NUDT13: variants seen among roughly 807,000 people sequenced by gnomAD.
NUDT13 encodes nudix hydrolase 13.
A neutral mutation model predicts 41.7 loss-of-function variants in NUDT13; 40 were observed. The observed-to-expected ratio is 0.96, with a 90% CI of 0.75 to 1.25. The LOEUF is 1.25. Among genes scored for constraint, NUDT13 ranks in the 50% most tolerant of loss-of-function variants. NUDT13 has a pLI of 0.00. For missense variants in NUDT13, 390 were observed against 416.1 expected (o/e 0.94, Z 0.55); for synonymous variants, 145 against 155.5 (o/e 0.93, Z 0.50).
At chr10:73,125,296 T>A in intron 6 of NUDT13, 53 bp downstream of exon 6, 1 of 1,604,334 alleles carries the variant, frequency 6.2e-7, no homozygotes, top group South Asian at 1.1e-5. Flanking sequence ...CGCTGCTTTG[T>A]CCTGGGGAAG....
chr10:73,110,792 G>C (rs1360045571), intron 1 of NUDT13, among the ~76,000 whole-genome samples: 1 of 152,022 alleles, frequency 6.6e-6, no homozygotes, highest in Non-Finnish European at 1.5e-5. Context: ...TTTTTGGAGA[G>C]TCATTTAAAA....
intron 2 of NUDT13, among the ~76,000 whole-genome samples, chr10:73,117,730 G>GT (rs1842551393): frequency 6.6e-6 from 1 of 152,146 alleles, no homozygotes; most frequent in Non-Finnish European, 1.5e-5. Context: ...AGTGTAAACA[G>GT]TGATTATCCC....
chr10:73,125,355 G>A (rs1286923652), intron 6 of NUDT13, 43 bp from the exon 7 acceptor site: 2 of 1,609,760 alleles, frequency 1.2e-6, no homozygotes, highest in Non-Finnish European at 1.7e-6. Context: ...TCATTGGCAG[G>A]GCCCAAAGTG....
At chr10:73,126,387 T>C (rs1489404126) in intron 7 of NUDT13, among the ~76,000 whole-genome samples, 1 of 152,164 alleles carries the variant, frequency 6.6e-6, no homozygotes, top group Non-Finnish European at 1.5e-5. Flanking sequence ...CTCTAGTCTA[T>C]TGGGGTCAAA....
chr10:73,123,331 C>T (rs1428765345), intron 4 of NUDT13, among the ~76,000 whole-genome samples: 2 of 152,116 alleles, frequency 1.3e-5, no homozygotes, highest in African/African-American at 4.8e-5. Flanking sequence ...CCATTGGGAA[C>T]CACTTTGCTA....
intron 1 of NUDT13, among the ~76,000 whole-genome samples, chr10:73,113,141 C>T (rs1035423722): frequency 2.0e-5 from 3 of 152,190 alleles, no homozygotes; most frequent in African/African-American, 7.2e-5. Flanking sequence ...CCCGCCTCGG[C>T]CTCCCAAAGT....
At chr10:73,121,928 T>C (rs777227133) in intron 3 of NUDT13, among the ~76,000 whole-genome samples, 30 of 152,206 alleles carry the variant, frequency 2.0e-4, no homozygotes, top group Non-Finnish European at 3.4e-4. Flanking sequence ...GATACAGTCA[T>C]AGAGTAATAC....
At chr10:73,119,512 C>A in intron 2 of NUDT13, 1 of 981,586 alleles carries the variant, frequency 1.0e-6, no homozygotes. Context: ...AAAGTCTGTT[C>A]CCATCTCTAG....
chr10:73,121,406 C>G (rs1842643081), intron 3 of NUDT13, among the ~76,000 whole-genome samples: 1 of 152,154 alleles, frequency 6.6e-6, no homozygotes, highest in Non-Finnish European at 1.5e-5. Context: ...TCAGAAGGCA[C>G]TAAACATTAT....
Position 73,131,553 on chromosome 10 carries a change from C to T in NUDT13, c.*650C>T, listed in dbSNP as rs747969954. On this transcript the variant is annotated 3_prime_UTR_variant, in exon 9 of 9. Transcript: ENST00000357321. ...GGGACTCCAGACAGTAAATCTTTTT[C>T]GCTGTTTTCAGCTCTGTCACATGCT... The T allele has an allele frequency of 6.6e-6, 1 of 152,514 alleles. No individual in the cohort carries two copies. The highest frequency in any genetic ancestry group is 2.4e-5 in the African/African-American group (1 of 41,436). 9.4% of individuals were successfully genotyped at this position (152,514 alleles called of 1,614,324 possible).
In NUDT13 at chr10:73,122,176, G is replaced by A. The variant is rs751391827; in HGVS notation, c.225G>A (p.Glu75=). The A allele has an allele frequency of 1.2e-6, 2 of 1,612,102 alleles. No homozygotes were observed. The highest frequency in any genetic ancestry group is 1.7e-6 in the Non-Finnish European group (2 of 1,179,424). The stretch of plus-strand genomic sequence containing the variant: ...TCCCTTCCCCTTTCTGTTTCTTAGA[G>A]TTGGAAAGGCTCCTGGGTAAATTTG... ...QYLAPRHSLL[E]LERLLGKFGQ... The change falls in exon 4 of 9, where the codon GAG becomes GAA. Residue 75 remains glutamate (E), a splice_region_variant and synonymous_variant. Coordinates refer to ENST00000357321, the MANE Select transcript of NUDT13 (RefSeq NM_015901.6).
At position 73,114,356 on chromosome 10, in the gene NUDT13, GGACCT is replaced by G. The variant is rs749839227; in HGVS notation, c.-6_-2del. On this transcript the variant is annotated splice_region_variant and 5_prime_UTR_variant, in exon 2 of 9. Transcript: ENST00000357321. ...TAAAACTCCTTTTTTTTTTTTTTAA[GGACCT>G]GACAATGTCCCTGTATTGTGGAATA... 8.4e-6 allele frequency: 12 copies of G among 1,434,070 alleles called. No homozygotes were observed. The African/African-American group carries it at 1.6e-4, about 19-fold the overall frequency. The allele number at this position is 1,434,070 out of a possible 1,614,324, so 88.8% of individuals were successfully genotyped here. A position where few individuals can be genotyped will look rare whatever the true frequency, so the allele number is the denominator to read the frequency against.
chr10:73,122,299 T>A lies in NUDT13; in HGVS notation c.348T>A (p.Phe116Leu), dbSNP rs770615135. The A allele has an allele frequency of 6.2e-7, 1 of 1,613,374 alleles. No individual in the cohort carries two copies. The highest frequency in any genetic ancestry group is 1.7e-5 in the Admixed American group (1 of 59,824). The change falls in exon 4 of 9, where the codon TTT becomes TTA. Residue 116 changes from phenylalanine to leucine, a missense_variant. By Grantham distance (22) the Phe-to-Leu change is conservative (BLOSUM62 0). Transcript: ENST00000357321. The stretch of plus-strand genomic sequence containing the variant: ...TGGATCTAGGTCTGGATAGCTCCTT[T>A]TCCATAAGTGGTACATGACATTATT... ...FALDLGLDSSFSISASLHKPE... is the reference protein window; with the variant it reads ...FALDLGLDSSLSISASLHKPE...
In NUDT13 at chr10:73,122,974, C is replaced by T. The variant is rs192755641; in HGVS notation, c.358+665C>T. Among the ~76,000 whole-genome samples the T allele has an allele frequency of 9.4e-3, 1,422 of 150,826 alleles. 23 individuals are homozygous for T. Among genetic ancestry groups the T allele is most frequent in the African/African-American group, 0.032 (1,322 of 41,002 alleles). ...GGAGTGCAATGGCGCGATCTCGGCT[C>T]GCCACAACCTTCGCCTCCCAGGTTC... On this transcript the variant is annotated intron_variant, in intron 4 of 8. Coordinates refer to ENST00000357321, the MANE Select transcript of NUDT13 (RefSeq NM_015901.6).
Position 73,122,240 on chromosome 10 carries a change from G to C in NUDT13, c.289G>C (p.Gly97Arg). The C allele has an allele frequency of 6.2e-7, 1 of 1,613,882 alleles. No homozygotes were observed. The change falls in exon 4 of 9, where the codon GGA (glycine) becomes CGA (arginine). Residue 97 changes from glycine to arginine, a missense_variant. By Grantham distance (125) the Gly-to-Arg change is moderately radical (BLOSUM62 -2). Coordinates refer to ENST00000357321, the MANE Select transcript of NUDT13 (RefSeq NM_015901.6). ...AAGAATAGAAGATTCTGTGCTGATT[G>C]GATGCTCTGAGCAGCAGGAAGCATG... ...AQRIEDSVLI[G>R]CSEQQEAWFA... is the part of the protein sequence containing the mutation.
intron 2 of NUDT13, among the ~76,000 whole-genome samples, chr10:73,119,192 C>T (rs560091491): frequency 6.6e-6 from 1 of 151,802 alleles, no homozygotes; most frequent in African/African-American, 2.4e-5. Flanking sequence ...ACTACAGGTG[C>T]GTGCCACCAT....
chr10:73,129,732 C>T (rs1433669019), intron 8 of NUDT13, among the ~76,000 whole-genome samples: 1 of 148,930 alleles, frequency 6.7e-6, no homozygotes, highest in Non-Finnish European at 1.5e-5. Flanking sequence ...AATCTCAACA[C>T]TTTGGGAGGC....
chr10:73,122,204 C>A lies in NUDT13; in HGVS notation c.253C>A (p.Gln85Lys), dbSNP rs1439803696. 3 of 1,613,658 alleles carry A rather than the reference C, an allele frequency of 1.9e-6. No individual in the cohort carries two copies. Among genetic ancestry groups the A allele is most frequent in the Non-Finnish European group, 2.5e-6 (3 of 1,179,888 alleles). Residue 85 changes from glutamine to lysine, a missense_variant, in exon 4 of 9, where the codon CAG becomes AAG. Physicochemically the swap from Gln to Lys is moderately conservative, Grantham distance 53. Transcript: ENST00000357321. Reference protein sequence around the residue: ...ELERLLGKFGQDAQRIEDSVL... With the variant: ...ELERLLGKFGKDAQRIEDSVL... ...GGAAAGGCTCCTGGGTAAATTTGGA[C>A]AGGATGCACAAAGAATAGAAGATTC...
rs766883569 is a variant in NUDT13, at chr10:73,125,098, GC to G, written c.466-17del. 3 of 1,597,494 alleles carry G rather than the reference GC, an allele frequency of 1.9e-6. No individual in the cohort carries two copies. Among genetic ancestry groups the G allele is most frequent in the Non-Finnish European group, 2.6e-6 (3 of 1,173,230 alleles). ...CCGCATTCTCTCCAAATGACACCAG[GC>G]CCATCATTGTGTTCCTAGGCTCAAG... On this transcript the variant is annotated intron_variant, in intron 5 of 8. Transcript: ENST00000357321.
Sources: allele counts gnomAD v4.1 joint callset (sites outside exome capture counted in the v4.1 genomes callset), GRCh38; gene constraint gnomAD v4.1.1; transcripts MANE v1.5; gene names NCBI Gene and HGNC (gene_info 2026-07-23, HGNC 2026-07-21).